The following NRSN1 variants were observed in gnomAD, a reference collection of about 807,000 sequenced individuals.
NRSN1 encodes the protein neurensin-1.
Under a neutral mutation model 17.3 loss-of-function variants are expected in NRSN1, and 14 were observed. The observed-to-expected ratio is 0.81, with a 90% CI of 0.54 to 1.27. The LOEUF is 1.27. Ranked by LOEUF, NRSN1 falls within the 50% of genes most tolerant of loss-of-function variation. NRSN1 has a pLI of 0.00. For missense variants in NRSN1, 209 were observed against 235.9 expected (o/e 0.89, Z 0.75); for synonymous variants, 79 against 94.2 (o/e 0.84, Z 0.93).
intron 2 of NRSN1, among the ~76,000 whole-genome samples, chr6:24,132,006 T>A (rs965098292): frequency 1.3e-5 from 2 of 152,092 alleles, no homozygotes; most frequent in African/African-American, 4.8e-5. Context: ...TTTCCCTGGG[T>A]GATTTCTTTA....
chr6:24,145,443 A>C lies in NRSN1; in HGVS notation c.190-105A>C. ...CTGCAAATTTGGGGTAACTGGGAATATTCATTTCTCTCAAGAAACAAGACA... is the reference window on the plus strand; with the variant it reads ...CTGCAAATTTGGGGTAACTGGGAATCTTCATTTCTCTCAAGAAACAAGACA... On this transcript the variant is annotated intron_variant, in intron 3 of 3. Transcript: ENST00000378491. The surrounding 1 kb of genome is among the most constrained non-coding windows in gnomAD (Gnocchi z 4.4). 1.3e-6 allele frequency: 1 copy of C among 796,354 alleles called. No homozygotes were observed. The highest frequency in any genetic ancestry group is 1.9e-6 in the Non-Finnish European group (1 of 525,266). The allele number at this position is 796,354 out of a possible 1,614,324, so 49.3% of individuals were successfully genotyped here.
intron 1 of NRSN1, among the ~76,000 whole-genome samples, chr6:24,126,702 T>C (rs536758105): frequency 6.6e-6 from 1 of 151,776 alleles, no homozygotes; most frequent in Non-Finnish European, 1.5e-5. Context: ...AAGAGTCAAA[T>C]ATATGTATCT....
At chr6:24,132,731 G>C (rs1265719436) in intron 2 of NRSN1, among the ~76,000 whole-genome samples, 3 of 152,100 alleles carry the variant, frequency 2.0e-5, no homozygotes, top group African/African-American at 4.8e-5. Context: ...GAACGTACAG[G>C]CTTGTTACAT....
intron 3 of NRSN1, among the ~76,000 whole-genome samples, chr6:24,143,763 T>C (rs1230928952): frequency 6.6e-6 from 1 of 152,248 alleles, no homozygotes; most frequent in Non-Finnish European, 1.5e-5. Context: ...TAGCTACTTA[T>C]TACAATTTAT....
Position 24,129,681 on chromosome 6 carries a change from T to A in NRSN1, c.-10+1481T>A, listed in dbSNP as rs1288494189. 2.0e-5 allele frequency: 3 copies of A among 152,214 alleles called. No homozygotes were observed. In the South Asian group the frequency reaches 6.2e-4, roughly 32 times the overall value. 9.4% of individuals were successfully genotyped at this position (152,214 alleles called of 1,614,324 possible). A position where few individuals can be genotyped will look rare whatever the true frequency, so the allele number is the denominator to read the frequency against. ...GCAGCATAATTTTTTTCCCTCCTCA[T>A]GTCTCTGGGTTATGATAGGTGTGCT... On this transcript the variant is annotated intron_variant, in intron 2 of 3. Coordinates refer to ENST00000378491, the MANE Select transcript of NRSN1 (RefSeq NM_080723.5).
chr6:24,131,955 G>C (rs1055243151), intron 2 of NRSN1, among the ~76,000 whole-genome samples: 1 of 151,516 alleles, frequency 6.6e-6, no homozygotes, highest in African/African-American at 2.4e-5. Flanking sequence ...GGGGAGTGCA[G>C]GTGTGGGTGT....
chr6:24,136,108 T>C (rs971384200), intron 3 of NRSN1, among the ~76,000 whole-genome samples: 4 of 152,208 alleles, frequency 2.6e-5, no homozygotes, highest in African/African-American at 9.7e-5. Context: ...GGCAAATTAA[T>C]TGGCCTTATG....
At position 24,146,259 on chromosome 6, in the gene NRSN1, C is replaced by G. The variant is rs1290465010; in HGVS notation, c.*313C>G. 6 of 587,192 alleles carry G rather than the reference C, an allele frequency of 1.0e-5. No homozygotes were observed. Among genetic ancestry groups the G allele is most frequent in the Middle Eastern group, 2.7e-4 (1 of 3,744 alleles). The allele number at this position is 587,192 out of a possible 1,614,324, so 36.4% of individuals were successfully genotyped here. On this transcript the variant is annotated 3_prime_UTR_variant, in exon 4 of 4. Transcript: ENST00000378491. ...TATTTTCCGTGTTGTTTGAAAGTGC[C>G]GAACAGTTTAGACCAGCTCACCAAT...
chr6:24,142,191 CTTTTTTT>C lies in NRSN1; in HGVS notation c.190-3340_190-3334del, dbSNP rs751168423. The stretch of plus-strand genomic sequence containing the variant: ...AGCACTTATGTCTTATACAGAACAG[CTTTTTTT>C]TTTTTTTTTTTTTTTTCAGAAGACA... On this transcript the variant is annotated intron_variant, in intron 3 of 3. Transcript: ENST00000378491. 6.7e-5 allele frequency among the ~76,000 whole-genome samples: 3 copies of C among 44,446 alleles called. 1 individual carries two copies. The highest frequency in any genetic ancestry group is 6.7e-4 in the East Asian group (1 of 1,500). 29.2% of individuals were successfully genotyped at this position (44,446 alleles called of 152,430 possible).
At chr6:24,134,806 G>A (rs1242434800) in intron 3 of NRSN1, among the ~76,000 whole-genome samples, 1 of 152,122 alleles carries the variant, frequency 6.6e-6, no homozygotes, top group East Asian at 1.9e-4. Context: ...TTCACTAATT[G>A]AAGCCATCCA....
At position 24,134,409 on chromosome 6, in the gene NRSN1, T is replaced by G. The variant is rs1561866083; in HGVS notation, c.82T>G (p.Ser28Ala). The G allele has an allele frequency of 1.2e-6, 2 of 1,614,080 alleles. No homozygotes were observed. Among genetic ancestry groups the G allele is most frequent in the Non-Finnish European group, 1.7e-6 (2 of 1,179,982 alleles). The change falls in exon 3 of 4, where the codon TCC becomes GCC. Residue 28 changes from serine (S) to alanine (A), a missense_variant. By Grantham distance (99) the Ser-to-Ala change is moderately conservative. Coordinates refer to ENST00000378491, the MANE Select transcript of NRSN1 (RefSeq NM_080723.5). ...TGGTTACCAGCGCTATGGAGTCCGG[T>G]CCTACCTGCACCAGTTTTATGAGGA... ...EGGYQRYGVR[S>A]YLHQFYEDCT...
Position 24,147,138 on chromosome 6 carries a change from A to G in NRSN1, c.*1192A>G, listed in dbSNP as rs1227425169. 6.6e-6 allele frequency: 1 copy of G among 152,174 alleles called. No individual in the cohort carries two copies. Among genetic ancestry groups the G allele is most frequent in the Non-Finnish European group, 1.5e-5 (1 of 68,020 alleles). 9.4% of individuals were successfully genotyped at this position (152,174 alleles called of 1,614,324 possible). ...CCCCAGCAATTTATACAACGCTGTC[A>G]TATTTTTAAAAAAACAAAAGTAAGC... is the stretch of plus-strand genomic sequence containing the variant. On this transcript the variant is annotated 3_prime_UTR_variant, in exon 4 of 4. Coordinates refer to ENST00000378491, the MANE Select transcript of NRSN1 (RefSeq NM_080723.5).
At chr6:24,137,578 A>G (rs1219435260) in intron 3 of NRSN1, among the ~76,000 whole-genome samples, 1 of 151,966 alleles carries the variant, frequency 6.6e-6, no homozygotes, top group Non-Finnish European at 1.5e-5. Context: ...CATGTGCACA[A>G]TGTGCAGGTT....
In NRSN1 at chr6:24,134,493, A is replaced by C. The variant is rs184904899; in HGVS notation, c.166A>C (p.Arg56=). Residue 56 remains arginine, a synonymous_variant, in exon 3 of 4, where the codon AGG becomes CGG. Coordinates refer to ENST00000378491, the MANE Select transcript of NRSN1 (RefSeq NM_080723.5). ...TTTCCAGATCCAAAGATCACCTAAC[A>C]GGTGGAGCTCAGTATTCTGGAAGGT... ...DDFQIQRSPN[R]WSSVFWKVGL... is the part of the protein sequence containing the mutation. The C allele has an allele frequency of 1.8e-5, 29 of 1,614,086 alleles. 1 individual carries two copies. In the East Asian group the frequency reaches 5.1e-4, roughly 29 times the overall value.
Position 24,146,440 on chromosome 6 carries a change from G to T in NRSN1, c.*494G>T. On this transcript the variant is annotated 3_prime_UTR_variant, in exon 4 of 4. Coordinates refer to ENST00000378491, the MANE Select transcript of NRSN1 (RefSeq NM_080723.5). Reference sequence around the variant, plus strand: ...ATTTTGAGCCGAACATGAGTTTTTAGACTGTATCTTGACATGAGGTTCCTG... The same window carrying T: ...ATTTTGAGCCGAACATGAGTTTTTATACTGTATCTTGACATGAGGTTCCTG... The T allele has an allele frequency of 2.7e-6, 1 of 366,964 alleles. No homozygotes were observed. The highest frequency in any genetic ancestry group is 2.1e-5 in the South Asian group (1 of 46,892). 22.7% of individuals were successfully genotyped at this position (366,964 alleles called of 1,614,324 possible). A position where few individuals can be genotyped will look rare whatever the true frequency, so the allele number is the denominator to read the frequency against.
rs1375293401 is a variant in NRSN1, at chr6:24,146,459, G to T, written c.*513G>T. 2 of 349,878 alleles carry T rather than the reference G, an allele frequency of 5.7e-6. No individual in the cohort carries two copies. The highest frequency in any genetic ancestry group is 1.1e-5 in the Non-Finnish European group (2 of 175,336). 21.7% of individuals were successfully genotyped at this position (349,878 alleles called of 1,614,324 possible). On this transcript the variant is annotated 3_prime_UTR_variant, in exon 4 of 4. Transcript: ENST00000378491. ...TTTTTAGACTGTATCTTGACATGAG[G>T]TTCCTGACATTGGATACAAAGTTAT...
In NRSN1 at chr6:24,126,241, C is replaced by A. The variant is rs1244417664; in HGVS notation, c.-182C>A. The A allele has an allele frequency of 1.7e-5, 3 of 179,874 alleles. 1 individual carries two copies. Among genetic ancestry groups the A allele is most frequent in the Non-Finnish European group, 3.4e-5 (3 of 87,952 alleles). 11.1% of individuals were successfully genotyped at this position (179,874 alleles called of 1,614,324 possible). A position where few individuals can be genotyped will look rare whatever the true frequency, so the allele number is the denominator to read the frequency against. ...TCAATCAGGCGCGGGCTGAGCTCTACGAGGCGGAGCGGCGGCGGTGGCGAC... is the reference window on the plus strand; with the variant it reads ...TCAATCAGGCGCGGGCTGAGCTCTAAGAGGCGGAGCGGCGGCGGTGGCGAC... On this transcript the variant is annotated 5_prime_UTR_variant, in exon 1 of 4. Coordinates refer to ENST00000378491, the MANE Select transcript of NRSN1 (RefSeq NM_080723.5).
intron 3 of NRSN1, among the ~76,000 whole-genome samples, chr6:24,138,311 C>A (rs555865095): frequency 1.3e-3 from 201 of 152,268 alleles, no homozygotes; most frequent in African/African-American, 4.4e-3. Flanking sequence ...CTATAAAAAT[C>A]GATGTAACAC....
In NRSN1 at chr6:24,138,087, C is replaced by T. The variant is rs746470902; in HGVS notation, c.189+3571C>T. 1.3e-4 allele frequency among the ~76,000 whole-genome samples: 20 copies of T among 152,112 alleles called. 1 individual carries two copies. The East Asian group carries it at 2.7e-3, about 21-fold the overall frequency. On this transcript the variant is annotated intron_variant, in intron 3 of 3. Coordinates refer to ENST00000378491, the MANE Select transcript of NRSN1 (RefSeq NM_080723.5). ...AAAGGCCATGTAATAGAAATTTCTC[C>T]GTAACATTTCAGCTTGAATACAGTG...
Sources: allele counts gnomAD v4.1 joint callset (sites outside exome capture counted in the v4.1 genomes callset), GRCh38; gene constraint gnomAD v4.1.1; non-coding constraint Gnocchi (gnomAD v3.1); transcripts MANE v1.5; gene names NCBI Gene and HGNC (gene_info 2026-07-23, HGNC 2026-07-21).